CNTNAP2: variants seen among roughly 807,000 people sequenced by gnomAD.
CNTNAP2 encodes the protein contactin-associated protein-like 2.
Under a neutral mutation model 155.2 loss-of-function variants are expected in CNTNAP2, and 98 were observed. The observed-to-expected ratio is 0.63, with a 90% confidence interval of 0.54 to 0.75. The LOEUF (loss-of-function observed/expected upper bound fraction) is 0.75, where lower values mean the gene tolerates loss of function less well. Among genes scored for constraint, CNTNAP2 ranks in the 30% least tolerant of loss-of-function variants. CNTNAP2 has a pLI of 0.00. For synonymous variants in CNTNAP2, 651 were observed against 631.2 expected, an observed-to-expected ratio of 1.03 and a Z score of -0.47; for missense variants, 1,727 against 1,688.1, an observed-to-expected ratio of 1.02 and a Z score of -0.40.
chr7:147,265,186 G>T (rs1320602530), intron 8 of CNTNAP2, among the ~76,000 whole-genome samples: 1 of 152,134 alleles, frequency 6.6e-6, no homozygotes, highest in Non-Finnish European at 1.5e-5. Context: ...TATGCACAAA[G>T]ATTTTTTTTA....
In CNTNAP2 at chr7:146,371,541, T is replaced by A. The variant is rs919692151; in HGVS notation, c.97+254568T>A. On this transcript the variant is annotated intron_variant, in intron 1 of 23. Transcript: ENST00000361727. The stretch of plus-strand genomic sequence containing the variant: ...CCGCCACCGCGCCAGCTAATTTTTT[T>A]ATTTTTTTTGTATTTTTAGTAGAAA... Among the ~76,000 whole-genome samples, 29 of 152,012 alleles carry A rather than the reference T, an allele frequency of 1.9e-4. No homozygotes were observed. The East Asian group carries it at 2.2e-3, about 11-fold the overall frequency.
intron 15 of CNTNAP2, among the ~76,000 whole-genome samples, chr7:147,999,176 G>A (rs749017733): frequency 2.0e-5 from 3 of 151,914 alleles, no homozygotes; most frequent in Admixed American, 6.6e-5. Flanking sequence ...TCTGCCTCCC[G>A]GGTTCCAGTG....
chr7:146,125,239 G>A (rs1170862952), intron 1 of CNTNAP2, among the ~76,000 whole-genome samples: 3 of 152,122 alleles, frequency 2.0e-5, no homozygotes, highest in African/African-American at 7.2e-5. Flanking sequence ...GGAAATAGTA[G>A]CATAGTTAAT....
intron 3 of CNTNAP2, among the ~76,000 whole-genome samples, chr7:146,962,009 T>C (rs532123820): frequency 6.6e-6 from 1 of 152,252 alleles, no homozygotes; most frequent in South Asian, 2.1e-4. Flanking sequence ...TAGAAAATGA[T>C]ACTCCAGTTA....
chr7:147,071,427 T>C (rs1343905007), intron 4 of CNTNAP2, among the ~76,000 whole-genome samples: 1 of 151,964 alleles, frequency 6.6e-6, no homozygotes, highest in Non-Finnish European at 1.5e-5. Context: ...TGCATCCCTC[T>C]CTTGTACCAT....
chr7:148,362,157 T>C (rs1218081761), intron 21 of CNTNAP2, among the ~76,000 whole-genome samples: 1 of 151,414 alleles, frequency 6.6e-6, no homozygotes, highest in African/African-American at 2.4e-5. Context: ...TGCAGTGAGC[T>C]AAGATTGACT....
At chr7:148,214,955 A>G (rs1340503063) in intron 18 of CNTNAP2, among the ~76,000 whole-genome samples, 1 of 152,202 alleles carries the variant, frequency 6.6e-6, no homozygotes, top group African/African-American at 2.4e-5. Flanking sequence ...TTTCATTGGT[A>G]TCCCAATCAT....
intron 13 of CNTNAP2, among the ~76,000 whole-genome samples, chr7:147,766,857 A>G (rs1193747962): frequency 1.3e-5 from 2 of 152,074 alleles, no homozygotes; most frequent in Non-Finnish European, 1.5e-5. Flanking sequence ...ATAGTTTTTT[A>G]TGAATAAGAA....
chr7:147,523,812 C>T (rs1313451228), intron 11 of CNTNAP2, among the ~76,000 whole-genome samples: 1 of 152,160 alleles, frequency 6.6e-6, no homozygotes, highest in Non-Finnish European at 1.5e-5. Context: ...ACAGATGTCT[C>T]GTATGGAGCT....
intron 21 of CNTNAP2, among the ~76,000 whole-genome samples, chr7:148,329,936 G>C (rs1053481006): frequency 6.6e-6 from 1 of 152,106 alleles, no homozygotes; most frequent in East Asian, 1.9e-4. Flanking sequence ...CCTTACCCCC[G>C]TCTGGCCTGT....
At chr7:147,132,724 T>C (rs1220942040) in intron 8 of CNTNAP2, among the ~76,000 whole-genome samples, 1 of 152,114 alleles carries the variant, frequency 6.6e-6, no homozygotes, top group African/African-American at 2.4e-5. Context: ...AGAAAATTGG[T>C]TGAGATTGGA....
At chr7:147,620,354 C>T (rs1022911008) in intron 12 of CNTNAP2, among the ~76,000 whole-genome samples, 1 of 151,986 alleles carries the variant, frequency 6.6e-6, no homozygotes, top group Non-Finnish European at 1.5e-5. Context: ...AGGAACCAAT[C>T]CTAGTGAAAC....
intron 12 of CNTNAP2, among the ~76,000 whole-genome samples, chr7:147,632,107 C>T (rs7782910): frequency 0.09 from 13,684 of 152,064 alleles, 1,713 homozygotes; most frequent in African/African-American, 0.26. Context: ...ATCCGGAATC[C>T]ACAAGAAACT....
At chr7:147,647,130 G>A (rs1280409404) in intron 13 of CNTNAP2, among the ~76,000 whole-genome samples, 1 of 151,758 alleles carries the variant, frequency 6.6e-6, no homozygotes, top group Non-Finnish European at 1.5e-5. Context: ...TGGGACTACA[G>A]GCGCATGCTG....
chr7:148,188,817 T>C (rs1271143660), intron 18 of CNTNAP2, among the ~76,000 whole-genome samples: 1 of 152,228 alleles, frequency 6.6e-6, no homozygotes, highest in African/African-American at 2.4e-5. Flanking sequence ...TTGAAACCAC[T>C]TGGTCTTCAT....
chr7:147,335,298 A>G (rs1010795878), intron 9 of CNTNAP2, among the ~76,000 whole-genome samples: 4 of 152,164 alleles, frequency 2.6e-5, no homozygotes, highest in African/African-American at 9.7e-5. Context: ...AGCACTAGAA[A>G]AACTTTATTT....
At chr7:146,133,568 T>G (rs887443238) in intron 1 of CNTNAP2, among the ~76,000 whole-genome samples, 1 of 152,200 alleles carries the variant, frequency 6.6e-6, no homozygotes, top group African/African-American at 2.4e-5. Context: ...AAGTCTTGAA[T>G]CCATCTTGAA....
intron 1 of CNTNAP2, among the ~76,000 whole-genome samples, chr7:146,386,131 A>C (rs1029676902): frequency 1.3e-5 from 2 of 152,150 alleles, no homozygotes; most frequent in African/African-American, 4.8e-5. Context: ...GTTTACTCTT[A>C]TATTCATAAA....
At chr7:147,357,364 C>T (rs991801543) in intron 9 of CNTNAP2, among the ~76,000 whole-genome samples, 1 of 152,064 alleles carries the variant, frequency 6.6e-6, no homozygotes, top group East Asian at 1.9e-4. Flanking sequence ...ACACAGCATT[C>T]TTAGCATTGT....
Sources: allele counts gnomAD v4.1 joint callset (sites outside exome capture counted in the v4.1 genomes callset), GRCh38; gene constraint gnomAD v4.1.1; transcripts MANE v1.5; gene names NCBI Gene and HGNC (gene_info 2026-07-23, HGNC 2026-07-21).